Variants in BMPR2 observed in about 807,000 individuals in gnomAD.
BMPR2 encodes the protein bone morphogenetic protein receptor type 2.
BMPR2 carries 29 observed loss-of-function variants against 100.8 expected under a neutral mutation model. The observed-to-expected ratio is 0.29, with a 90% CI of 0.21 to 0.39. The LOEUF (loss-of-function observed/expected upper bound fraction) is 0.39, where lower values mean the gene tolerates loss of function less well. BMPR2 is among the 10% of genes least tolerant of loss of function. BMPR2 has a pLI of 1.00. For synonymous variants in BMPR2, 382 were observed against 442.3 expected (o/e 0.86, Z 1.71); for missense variants, 1,011 against 1,274.5 (o/e 0.79, Z 3.15).
In BMPR2 at chr2:202,376,504, G is replaced by C. The variant is rs1650967801; in HGVS notation, c.-971G>C. Among the ~76,000 whole-genome samples the C allele has an allele frequency of 7.2e-6, 1 of 139,788 alleles. No individual in the cohort carries two copies. The highest frequency in any genetic ancestry group is 2.6e-5 in the African/African-American group (1 of 37,974). The allele number at this position is 139,788 out of a possible 152,430, so 91.7% of individuals were successfully genotyped here. A position where few individuals can be genotyped will look rare whatever the true frequency, so the allele number is the denominator to read the frequency against. ...TTCCGTCAGGAGCCCAGAGCTGCGG[G>C]AGAACGAGGCGGCGGCGGCGGCGGC... On this transcript the variant is annotated 5_prime_UTR_variant, in exon 1 of 13. Coordinates refer to ENST00000374580, the MANE Select transcript of BMPR2 (RefSeq NM_001204.7).
At chr2:202,419,671 G>T (rs1691216985) in intron 1 of BMPR2, among the ~76,000 whole-genome samples, 1 of 152,042 alleles carries the variant, frequency 6.6e-6, no homozygotes, top group African/African-American at 2.4e-5. Flanking sequence ...TTTTTTAAAT[G>T]AAGTCTTAAC....
At chr2:202,393,418 C>T (rs942012001) in intron 1 of BMPR2, among the ~76,000 whole-genome samples, 2 of 152,218 alleles carry the variant, frequency 1.3e-5, no homozygotes, top group South Asian at 2.1e-4. Context: ...GGCTCCAAAA[C>T]GGTGTACGAT....
chr2:202,420,111 CTA>C (rs2105923151), intron 1 of BMPR2, among the ~76,000 whole-genome samples: 1 of 152,040 alleles, frequency 6.6e-6, no homozygotes, highest in South Asian at 2.1e-4. Flanking sequence ...CATTTTTCCT[CTA>C]GAGTTATAAT....
intron 9 of BMPR2, among the ~76,000 whole-genome samples, chr2:202,534,243 T>A (rs1024412804): frequency 6.8e-6 from 1 of 146,998 alleles, no homozygotes; most frequent in Non-Finnish European, 1.5e-5. Context: ...ATAAATAAAA[T>A]TTTTATTTAT....
intron 1 of BMPR2, among the ~76,000 whole-genome samples, chr2:202,416,787 GACGCTGTAAACATTGTTTAAATGACA>G (rs1691137088): frequency 6.6e-6 from 1 of 151,934 alleles, no homozygotes; most frequent in Non-Finnish European, 1.5e-5. Context: ...TACTTGTGCA[GACGCTGTAAACATTGTTTAAATGACA>G]ACAAAGGACT....
intron 1 of BMPR2, among the ~76,000 whole-genome samples, chr2:202,404,676 T>G (rs1056144282): frequency 4.6e-5 from 7 of 152,182 alleles, no homozygotes; most frequent in Admixed American, 2.0e-4. Flanking sequence ...GTTGGGTATA[T>G]TAGGTTGGGT....
In BMPR2 at chr2:202,434,129, T is replaced by C. The variant is rs183486340; in HGVS notation, c.77-30680T>C. Among the ~76,000 whole-genome samples the C allele has an allele frequency of 1.1e-3, 170 of 150,686 alleles. 5 individuals are homozygous for C. Among genetic ancestry groups the C allele is most frequent in the Non-Finnish European group, 6.9e-4 (47 of 68,036 alleles). On this transcript the variant is annotated intron_variant, in intron 1 of 12. Coordinates refer to ENST00000374580, the MANE Select transcript of BMPR2 (RefSeq NM_001204.7). ...TAAACTTGGGCAAACTTTCATCTCA[T>C]TGGGGGCCAAAACCATTGCACCCAA...
chr2:202,500,129 C>T (rs1462086112), intron 3 of BMPR2, among the ~76,000 whole-genome samples: 1 of 152,168 alleles, frequency 6.6e-6, no homozygotes, highest in African/African-American at 2.4e-5. Flanking sequence ...TGTCATCACC[C>T]TCACTGAGCC....
At chr2:202,455,512 A>G (rs906950235) in intron 1 of BMPR2, among the ~76,000 whole-genome samples, 1 of 152,262 alleles carries the variant, frequency 6.6e-6, no homozygotes, top group Non-Finnish European at 1.5e-5. Context: ...GAAGTCTGTC[A>G]TGATAGCTAT....
chr2:202,384,707 C>T (rs969208997), intron 1 of BMPR2, among the ~76,000 whole-genome samples: 2 of 151,818 alleles, frequency 1.3e-5, no homozygotes, highest in African/African-American at 4.8e-5. Context: ...GATTCTTGTG[C>T]CTCAGCCTCC....
intron 1 of BMPR2, among the ~76,000 whole-genome samples, chr2:202,399,965 G>A (rs1421337662): frequency 6.6e-6 from 1 of 152,114 alleles, no homozygotes; most frequent in Admixed American, 6.6e-5. Context: ...TAAAAAATTA[G>A]CAGGGTGTGA....
intron 3 of BMPR2, among the ~76,000 whole-genome samples, chr2:202,479,510 G>C (rs1692617907): frequency 6.6e-6 from 1 of 151,658 alleles, no homozygotes; most frequent in Non-Finnish European, 1.5e-5. Context: ...TGAGAGGAAA[G>C]AAGAGAATTC....
chr2:202,440,327 C>T (rs56348231), intron 1 of BMPR2, among the ~76,000 whole-genome samples: 16,751 of 148,600 alleles, frequency 0.11, 1,275 homozygotes, highest in Non-Finnish European at 0.13. Context: ...AGTTCCCAGA[C>T]GGGGTCGCGG....
chr2:202,445,771 A>AT (rs759063361), intron 1 of BMPR2, among the ~76,000 whole-genome samples: 60,845 of 120,012 alleles, frequency 0.51, 16,804 homozygotes, highest in East Asian at 0.62. Context: ...TACAAACATA[A>AT]TTTTTTTTTT....
chr2:202,382,124 A>G (rs1370515780), intron 1 of BMPR2, among the ~76,000 whole-genome samples: 1 of 143,560 alleles, frequency 7.0e-6, no homozygotes, highest in Admixed American at 7.3e-5. Context: ...GAGTGGCACG[A>G]TCTCGACTCA....
At chr2:202,519,224 A>G (rs1687777024) in intron 6 of BMPR2, among the ~76,000 whole-genome samples, 172 bp downstream of exon 6, 1 of 152,200 alleles carries the variant, frequency 6.6e-6, no homozygotes, top group African/African-American at 2.4e-5. Flanking sequence ...TTAGCCGGGT[A>G]TGATGGCACA....
chr2:202,438,451 G>A (rs1691660796), intron 1 of BMPR2, among the ~76,000 whole-genome samples: 1 of 150,734 alleles, frequency 6.6e-6, no homozygotes, highest in East Asian at 1.9e-4. Flanking sequence ...TTGAAGCACA[G>A]AAGTTTTAAA....
chr2:202,407,513 C>T (rs915569427), intron 1 of BMPR2, among the ~76,000 whole-genome samples: 20 of 151,870 alleles, frequency 1.3e-4, no homozygotes, highest in Non-Finnish European at 2.6e-4. Context: ...TCGCTCACGC[C>T]TGTAATCCCA....
At chr2:202,379,973 T>C (rs904065903) in intron 1 of BMPR2, among the ~76,000 whole-genome samples, 1 of 152,162 alleles carries the variant, frequency 6.6e-6, no homozygotes, top group African/African-American at 2.4e-5. Context: ...TTCTCCTGCC[T>C]CAGCCTCCAG....
Sources: allele counts gnomAD v4.1 joint callset (sites outside exome capture counted in the v4.1 genomes callset), GRCh38; gene constraint gnomAD v4.1.1; transcripts MANE v1.5; gene names NCBI Gene and HGNC (gene_info 2026-07-23, HGNC 2026-07-21).